The following NEXMIF variants were observed in gnomAD, a reference collection of about 807,000 sequenced individuals.
NEXMIF encodes the protein XLMR protein related to neurite extension.
A neutral mutation model predicts 62.1 loss-of-function variants in NEXMIF; 8 were observed. The ratio of observed to expected loss-of-function variants is 0.13; its 90% CI spans 0.08 to 0.23. The LOEUF (loss-of-function observed/expected upper bound fraction) is 0.23, where lower values mean the gene tolerates loss of function less well. Among genes scored for constraint, NEXMIF ranks in the 10% least tolerant of loss-of-function variants. The pLI is 1.00. For synonymous variants in NEXMIF, 404 were observed against 416.6 expected, an observed-to-expected ratio of 0.97 and a Z score of 0.37; for missense variants, 976 against 1,113.3, an observed-to-expected ratio of 0.88 and a Z score of 1.75.
At chrX:74,796,741 C>T (rs2080313276) in intron 1 of NEXMIF, among the ~76,000 whole-genome samples, 1 of 110,916 alleles carries the variant, frequency 9.0e-6, no homozygotes, top group Non-Finnish European at 1.9e-5. Flanking sequence ...AATATTAGCC[C>T]ACATATACAG....
chrX:74,866,489 T>A (rs969928626), intron 1 of NEXMIF, among the ~76,000 whole-genome samples: 1 of 111,829 alleles, frequency 8.9e-6, no homozygotes, highest in Admixed American at 9.5e-5. Context: ...TTGGAATGAG[T>A]TAAGACTTTG....
intron 1 of NEXMIF, among the ~76,000 whole-genome samples, chrX:74,760,279 G>A (rs2080171958): frequency 8.9e-6 from 1 of 111,824 alleles, no homozygotes; most frequent in Non-Finnish European, 1.9e-5. Flanking sequence ...ATTGGCTGAA[G>A]GAATTTTTGG....
At chrX:74,909,107 G>A (rs1159705637) in intron 1 of NEXMIF, among the ~76,000 whole-genome samples, 1 of 111,503 alleles carries the variant, frequency 9.0e-6, no homozygotes, top group Non-Finnish European at 1.9e-5. Flanking sequence ...CAGCAGAGTG[G>A]GGCATTGCTG....
intron 1 of NEXMIF, among the ~76,000 whole-genome samples, chrX:74,886,650 G>A (rs1291951090): frequency 9.1e-6 from 1 of 110,370 alleles, no homozygotes; most frequent in Non-Finnish European, 1.9e-5. Flanking sequence ...AAATAAAAGA[G>A]GATACAAACA....
At chrX:74,770,523 A>G (rs2147454488) in intron 1 of NEXMIF, among the ~76,000 whole-genome samples, 1 of 112,238 alleles carries the variant, frequency 8.9e-6, no homozygotes, top group South Asian at 3.7e-4. Context: ...TAGATTTTTC[A>G]GTTTTCCAAC....
intron 1 of NEXMIF, among the ~76,000 whole-genome samples, chrX:74,906,076 C>A (rs1360374350): frequency 2.7e-5 from 3 of 109,550 alleles, no homozygotes; most frequent in African/African-American, 1.0e-4. Context: ...TTAAGACCAG[C>A]CTGGGCAAGA....
At chrX:74,908,282 T>C (rs1476425440) in intron 1 of NEXMIF, among the ~76,000 whole-genome samples, 1 of 112,300 alleles carries the variant, frequency 8.9e-6, no homozygotes, top group African/African-American at 3.2e-5. Context: ...GTATATGGCC[T>C]GGTTGTCTGA....
chrX:74,862,264 G>A (rs1278137450), intron 1 of NEXMIF, among the ~76,000 whole-genome samples: 2 of 110,853 alleles, frequency 1.8e-5, no homozygotes, highest in African/African-American at 6.6e-5. Flanking sequence ...TAATGGTAAA[G>A]GGATCAATTC....
Position 74,742,733 on chromosome X carries a change from T to C in NEXMIF, c.1824A>G (p.Gln608=), listed in dbSNP as rs758569887. Reference sequence around the variant, plus strand: ...AGCTACCTGGTTCAAAGCTTTGCTTTTGGGAAAAAGGTGTCTTGATGGAGT... The same window carrying C: ...AGCTACCTGGTTCAAAGCTTTGCTTCTGGGAAAAAGGTGTCTTGATGGAGT... ...NTDSIKTPFS[Q]KQSFEPGSFE... The change falls in exon 3 of 4, where the codon CAA becomes CAG. Residue 608 remains glutamine (Q), a synonymous_variant. Transcript: ENST00000055682. 1.7e-6 allele frequency: 2 copies of C among 1,210,973 alleles called. No individual in the cohort carries two copies. Among genetic ancestry groups the C allele is most frequent in the East Asian group, 5.9e-5 (2 of 33,793 alleles).
intron 1 of NEXMIF, among the ~76,000 whole-genome samples, chrX:74,872,919 C>A (rs2080608710): frequency 4.6e-5 from 5 of 108,418 alleles, no homozygotes; most frequent in African/African-American, 1.3e-4. Context: ...TAGTGCAATG[C>A]CTTATTTTTT....
At position 74,740,806 on chromosome X, in the gene NEXMIF, T is replaced by C. The variant is rs766267466; in HGVS notation, c.3751A>G (p.Ile1251Val). The stretch of plus-strand genomic sequence containing the variant: ...GCCAATGTCTTCCCAGTGGAGGATA[T>C]GGTGTTGGTTTGGCTTCCCCCACGG... ...IGRGGSQTNT[I>V]SSTGKTLAEC... The change falls in exon 3 of 4, where the codon ATA (isoleucine) becomes GTA (valine). Residue 1251 changes from isoleucine to valine, a missense_variant. Physicochemically the swap from Ile to Val is conservative, Grantham distance 29. Transcript: ENST00000055682. The C allele has an allele frequency of 5.0e-6, 6 of 1,210,601 alleles. No homozygotes were observed. The East Asian group carries it at 1.2e-4, about 24-fold the overall frequency.
intron 1 of NEXMIF, among the ~76,000 whole-genome samples, chrX:74,906,997 C>T (rs969270780): frequency 3.6e-5 from 4 of 111,455 alleles, no homozygotes; most frequent in African/African-American, 1.3e-4. Context: ...ACCCTCCTTG[C>T]TTTTTCAGGG....
At chrX:74,858,859 A>G (rs984420417) in intron 1 of NEXMIF, among the ~76,000 whole-genome samples, 6 of 109,817 alleles carry the variant, frequency 5.5e-5, no homozygotes, top group Non-Finnish European at 1.1e-4. Context: ...GAGTTGAAAA[A>G]TGCAATGGAC....
chrX:74,768,380 T>C (rs1212967652), intron 1 of NEXMIF, among the ~76,000 whole-genome samples: 1 of 112,158 alleles, frequency 8.9e-6, no homozygotes, highest in Non-Finnish European at 1.9e-5. Context: ...GCCACTTCTC[T>C]CCATGAAAGC....
intron 1 of NEXMIF, among the ~76,000 whole-genome samples, chrX:74,878,955 C>T (rs1326146832): frequency 1.8e-5 from 2 of 112,745 alleles, no homozygotes; most frequent in African/African-American, 3.2e-5. Context: ...TCTTCTGCGT[C>T]GCTCATGCTG....
chrX:74,788,714 T>G lies in NEXMIF; in HGVS notation c.-47-43017A>C, dbSNP rs150200134. ...TGCCAACATGAAACCCAAGCCTAACTTCCTGAAGCAGTATAAAGGTACATG... is the reference window on the plus strand; with the variant it reads ...TGCCAACATGAAACCCAAGCCTAACGTCCTGAAGCAGTATAAAGGTACATG... On this transcript the variant is annotated intron_variant, in intron 1 of 3. Coordinates refer to ENST00000055682, the MANE Select transcript of NEXMIF (RefSeq NM_001008537.3). Among the ~76,000 whole-genome samples, 1,100 of 111,450 alleles carry G rather than the reference T, an allele frequency of 9.9e-3. 15 individuals carry two copies. The highest frequency in any genetic ancestry group is 0.034 in the African/African-American group (1,052 of 30,703).
intron 1 of NEXMIF, among the ~76,000 whole-genome samples, chrX:74,869,017 T>C (rs1411836416): frequency 9.0e-6 from 1 of 110,831 alleles, no homozygotes; most frequent in South Asian, 3.8e-4. Context: ...AACTAGACAA[T>C]GACACATCAA....
chrX:74,921,398 CTTG>C (rs1419354228), intron 1 of NEXMIF, among the ~76,000 whole-genome samples: 1 of 112,027 alleles, frequency 8.9e-6, no homozygotes, highest in Non-Finnish European at 1.9e-5. Flanking sequence ...AACAGAGCCA[CTTG>C]TTGTTTGAGA....
chrX:74,877,133 T>C (rs1011008808), intron 1 of NEXMIF, among the ~76,000 whole-genome samples: 1 of 111,848 alleles, frequency 8.9e-6, no homozygotes, highest in Non-Finnish European at 1.9e-5. Context: ...CTGGTACAGG[T>C]CGTTCCTTTC....
Sources: gnomAD v4.1 joint callset for allele counts (sites outside exome capture counted in the v4.1 genomes callset) on GRCh38, gnomAD v4.1.1 for gene constraint, MANE v1.5 for transcripts, NCBI Gene and HGNC (gene_info 2026-07-23, HGNC 2026-07-21) for gene names.